FAM124A: variants seen among roughly 807,000 people sequenced by gnomAD.
The protein encoded by FAM124A is family with sequence similarity 124 member A.
A neutral mutation model predicts 24.5 loss-of-function variants in FAM124A; 23 were observed. That is an observed-to-expected ratio of 0.94 (90% CI 0.68 to 1.33). FAM124A has a LOEUF of 1.33. Ranked by LOEUF, FAM124A falls within the 40% of genes most tolerant of loss-of-function variation. The pLI, the probability that FAM124A is intolerant of heterozygous loss-of-function variation, is 0.00. For missense variants in FAM124A, 623 were observed against 722.8 expected (o/e 0.86, Z 1.58); for synonymous variants, 287 against 314.7 (o/e 0.91, Z 0.93).
chr13:51,232,023 C>G (rs1954382674), intron 2 of FAM124A, among the ~76,000 whole-genome samples: 1 of 152,158 alleles, frequency 6.6e-6, no homozygotes, highest in Non-Finnish European at 1.5e-5. Context: ...GGGAATTTAG[C>G]TATTACTTTT....
intron 2 of FAM124A, among the ~76,000 whole-genome samples, chr13:51,246,390 T>G (rs1206634790): frequency 1.2e-5 from 1 of 80,950 alleles, no homozygotes; most frequent in Admixed American, 1.1e-4. Flanking sequence ...CACAGAGGCA[T>G]GTTTCTCGTG....
At chr13:51,243,423 G>A (rs562298837) in intron 2 of FAM124A, among the ~76,000 whole-genome samples, 28 of 152,176 alleles carry the variant, frequency 1.8e-4, no homozygotes, top group African/African-American at 2.9e-4. Flanking sequence ...TGTTTCTGGC[G>A]TTCTGGGGAA....
At chr13:51,261,661 T>G (rs1359997690) in intron 3 of FAM124A, among the ~76,000 whole-genome samples, 1 of 152,248 alleles carries the variant, frequency 6.6e-6, no homozygotes, top group African/African-American at 2.4e-5. Context: ...TTGCCCTTCC[T>G]TTCTCACTTA....
intron 3 of FAM124A, among the ~76,000 whole-genome samples, chr13:51,253,950 C>T (rs1037722595): frequency 6.6e-6 from 1 of 152,168 alleles, no homozygotes; most frequent in Non-Finnish European, 1.5e-5. Context: ...TACCTCTCCC[C>T]CCAAGATTCT....
intron 3 of FAM124A, among the ~76,000 whole-genome samples, chr13:51,264,475 C>A (rs544903516): frequency 3.3e-5 from 5 of 152,290 alleles, no homozygotes; most frequent in African/African-American, 1.2e-4. Flanking sequence ...GTTGCATACA[C>A]CTGCCAGATG....
chr13:51,226,623 G>T lies in FAM124A; in HGVS notation c.68+4054G>T, dbSNP rs552871352. ...AGGGTCAGGCAGAGAGAGAGAGTGGGTAGTTAGGATCATCAGAATTTGGGG... is the reference window on the plus strand; with the variant it reads ...AGGGTCAGGCAGAGAGAGAGAGTGGTTAGTTAGGATCATCAGAATTTGGGG... On this transcript the variant is annotated intron_variant, in intron 1 of 3. Coordinates refer to ENST00000322475, the MANE Select transcript of FAM124A (RefSeq NM_001242312.2). 2.0e-5 allele frequency among the ~76,000 whole-genome samples: 3 copies of T among 152,334 alleles called. No homozygotes were observed. In the East Asian group the frequency reaches 5.8e-4, roughly 29 times the overall value.
chr13:51,280,445 C>G lies in FAM124A; in HGVS notation c.835-5C>G, dbSNP rs201491419. Reference sequence around the variant, plus strand: ...CACTAATGTGATCTGCCTCTCCCCCCACAGGCACAAAGGGTGCATAAGAAG... The same window carrying G: ...CACTAATGTGATCTGCCTCTCCCCCGACAGGCACAAAGGGTGCATAAGAAG... On this transcript the variant is annotated splice_polypyrimidine_tract_variant and splice_region_variant and intron_variant, in intron 3 of 3. Coordinates refer to ENST00000322475, the MANE Select transcript of FAM124A (RefSeq NM_001242312.2). The G allele has an allele frequency of 7.8e-5, 123 of 1,582,202 alleles. 1 individual carries two copies. In the African/African-American group the frequency reaches 1.1e-3, roughly 14 times the overall value.
At chr13:51,246,413 G>GGGGT (rs1954562904) in intron 2 of FAM124A, among the ~76,000 whole-genome samples, 1 of 132,134 alleles carries the variant, frequency 7.6e-6, no homozygotes, top group Non-Finnish European at 1.7e-5. Flanking sequence ...GTGGGGGGGG[G>GGGGT]TGTAACTCTA....
At chr13:51,235,353 A>G (rs1029953306) in intron 2 of FAM124A, among the ~76,000 whole-genome samples, 3 of 152,162 alleles carry the variant, frequency 2.0e-5, no homozygotes, top group East Asian at 1.9e-4. Flanking sequence ...GAAATTATTT[A>G]TAAACAGGAG....
intron 3 of FAM124A, among the ~76,000 whole-genome samples, chr13:51,266,435 C>G (rs2137698483): frequency 6.6e-6 from 1 of 152,232 alleles, no homozygotes; most frequent in East Asian, 1.9e-4. Flanking sequence ...GTTCAGTTAG[C>G]AGGGACTCAG....
intron 3 of FAM124A, among the ~76,000 whole-genome samples, chr13:51,275,246 C>T (rs1954875822): frequency 6.6e-6 from 1 of 151,202 alleles, no homozygotes; most frequent in East Asian, 1.9e-4. Flanking sequence ...AGCATAGTAT[C>T]ACATGCCTTT....
intron 3 of FAM124A, among the ~76,000 whole-genome samples, chr13:51,265,399 C>T (rs1274576557): frequency 1.3e-5 from 2 of 152,090 alleles, no homozygotes. Flanking sequence ...TGAGCAGCTG[C>T]AGGCCTGGGA....
chr13:51,249,006 G>A (rs1328599314), intron 2 of FAM124A, among the ~76,000 whole-genome samples: 1 of 152,080 alleles, frequency 6.6e-6, no homozygotes, highest in Non-Finnish European at 1.5e-5. Context: ...ATCAACTACT[G>A]AATTGAGCTG....
chr13:51,271,929 G>C (rs1954844045), intron 3 of FAM124A, among the ~76,000 whole-genome samples: 1 of 152,184 alleles, frequency 6.6e-6, no homozygotes, highest in Admixed American at 6.5e-5. Flanking sequence ...TGTTACCACA[G>C]TTTAGGCGTG....
At chr13:51,252,772 G>C (rs1197820838) in intron 3 of FAM124A, 1 of 153,206 alleles carries the variant, frequency 6.5e-6, no homozygotes, top group African/African-American at 2.4e-5. Flanking sequence ...GGAAAAGGAT[G>C]TCCCGTTAAA....
rs563003347 is a variant in FAM124A, at chr13:51,248,907, A to C, written c.101-2561A>C. On this transcript the variant is annotated intron_variant, in intron 2 of 3. Coordinates refer to ENST00000322475, the MANE Select transcript of FAM124A (RefSeq NM_001242312.2). ...TTGTCATCTCCTGTCTGGACTCTTC[A>C]CTAGTCTTCTAACTCCTTATTTTGC... Among the ~76,000 whole-genome samples, 11 of 152,252 alleles carry C rather than the reference A, an allele frequency of 7.2e-5. No individual in the cohort carries two copies. The East Asian group carries it at 1.7e-3, about 24-fold the overall frequency.
chr13:51,225,976 CTTTTTTT>C (rs780570797), intron 1 of FAM124A, among the ~76,000 whole-genome samples: 3,469 of 67,228 alleles, frequency 0.052, 50 homozygotes, highest in East Asian at 0.27. Flanking sequence ...TGCTTGCTTT[CTTTTTTT>C]TTTTTTTTTT....
chr13:51,237,229 T>C (rs938440149), intron 2 of FAM124A, among the ~76,000 whole-genome samples: 1 of 152,230 alleles, frequency 6.6e-6, no homozygotes, highest in East Asian at 1.9e-4. Context: ...AAAGGGCTTA[T>C]TAGTAATACT....
At chr13:51,223,158 G>A (rs1247098607) in intron 1 of FAM124A, among the ~76,000 whole-genome samples, 1 of 151,836 alleles carries the variant, frequency 6.6e-6, no homozygotes, top group Non-Finnish European at 1.5e-5. Context: ...TGTACCGGCG[G>A]GATGGAGATG....
Sources: gnomAD v4.1 joint callset for allele counts (sites outside exome capture counted in the v4.1 genomes callset) on GRCh38, gnomAD v4.1.1 for gene constraint, MANE v1.5 for transcripts, NCBI Gene and HGNC (gene_info 2026-07-23, HGNC 2026-07-21) for gene names.